ENTPD7: variants seen among roughly 807,000 people sequenced by gnomAD.
ENTPD7 encodes the protein ectonucleoside triphosphate diphosphohydrolase 7, also known as NTPDase 7.
In ENTPD7, 53 loss-of-function variants were observed where a neutral mutation model predicts 77.9. The ratio of observed to expected loss-of-function variants is 0.68; its 90% CI spans 0.55 to 0.85. ENTPD7 has a LOEUF of 0.85. ENTPD7 is among the 40% of genes least tolerant of loss of function. The pLI is 0.00. For synonymous variants in ENTPD7, 248 were observed against 274.9 expected, an observed-to-expected ratio of 0.90 and a Z score of 0.97; for missense variants, 636 against 743.7, an observed-to-expected ratio of 0.86 and a Z score of 1.68.
chr10:99,676,550 A>C (rs2035684202), intron 3 of ENTPD7, among the ~76,000 whole-genome samples: 1 of 152,182 alleles, frequency 6.6e-6, no homozygotes, highest in Admixed American at 6.5e-5. Flanking sequence ...CTATGATTGG[A>C]AATGAAAAGT....
intron 2 of ENTPD7, chr10:99,660,166 A>G: frequency 1.8e-6 from 1 of 541,834 alleles, no homozygotes; most frequent in Non-Finnish European, 2.4e-6. Flanking sequence ...ATAGACCAGG[A>G]GTGGTAGAGT....
intron 8 of ENTPD7, among the ~76,000 whole-genome samples, chr10:99,695,084 G>T (rs1564633974): frequency 6.6e-6 from 1 of 152,172 alleles, no homozygotes; most frequent in Non-Finnish European, 1.5e-5. Flanking sequence ...AATGTGGAAT[G>T]AGCTGAGGAA....
chr10:99,689,219 C>T (rs745328868), intron 7 of ENTPD7, among the ~76,000 whole-genome samples: 1 of 152,096 alleles, frequency 6.6e-6, no homozygotes, highest in Non-Finnish European at 1.5e-5. Context: ...TCATACAATA[C>T]GTATCTAATA....
intron 3 of ENTPD7, among the ~76,000 whole-genome samples, chr10:99,667,330 G>T (rs186555271): frequency 1.3e-5 from 2 of 152,330 alleles, no homozygotes; most frequent in Admixed American, 1.3e-4. Context: ...ATGACTCTAT[G>T]ATAGCACTGG....
rs989370396 is a variant in ENTPD7 at position 99,679,557 on chromosome 10, T to C, written c.397+91T>C. 69 of 1,466,158 alleles carry C rather than the reference T, an allele frequency of 4.7e-5. 1 individual carries two copies. In the African/African-American group the frequency reaches 7.6e-4, roughly 16 times the overall value. The allele number at this position is 1,466,158 out of a possible 1,614,324, so 90.8% of individuals were successfully genotyped here. On this transcript the variant is annotated intron_variant, in intron 4 of 12. Transcript: ENST00000370489. ...AGAAAGCAAGCTACCCCTTTCTTCT[T>C]GAGAGTCTGGGTAATGGGAGGGATA...
chr10:99,669,745 T>TTG (rs2035595474), intron 3 of ENTPD7, among the ~76,000 whole-genome samples: 2 of 121,628 alleles, frequency 1.6e-5, no homozygotes, highest in Non-Finnish European at 3.5e-5. Context: ...GTGTGGTTTT[T>TTG]TTTTTTTTTT....
chr10:99,688,643 C>T (rs1590048091), intron 6 of ENTPD7, 51 bp from the exon 7 acceptor site: 1 of 1,577,828 alleles, frequency 6.3e-7, no homozygotes, highest in Non-Finnish European at 8.7e-7. Context: ...GAGGTGTATA[C>T]ATGGCATAGC....
intron 3 of ENTPD7, among the ~76,000 whole-genome samples, chr10:99,661,997 T>C (rs1484987481): frequency 6.6e-6 from 1 of 152,210 alleles, no homozygotes; most frequent in Non-Finnish European, 1.5e-5. Context: ...ATATAGCTAC[T>C]CCAACTTTCT....
chr10:99,660,845 C>T (rs1393809196), intron 2 of ENTPD7, among the ~76,000 whole-genome samples: 1 of 151,918 alleles, frequency 6.6e-6, no homozygotes, highest in Non-Finnish European at 1.5e-5. Context: ...TCGCTTGAAC[C>T]CAGGAGGTGG....
chr10:99,703,144 A>G (rs1220022647), intron 12 of ENTPD7, among the ~76,000 whole-genome samples: 1 of 152,222 alleles, frequency 6.6e-6, no homozygotes, highest in African/African-American at 2.4e-5. Flanking sequence ...CAGAATTAGA[A>G]TAAAGGACGT....
Position 99,709,869 on chromosome 10 carries a change from T to C in ENTPD7, c.*5186T>C, listed in dbSNP as rs2036330034. 2.0e-6 allele frequency: 2 copies of C among 985,438 alleles called. No homozygotes were observed. Among genetic ancestry groups the C allele is most frequent in the Non-Finnish European group, 2.4e-6 (2 of 829,908 alleles). The allele number at this position is 985,438 out of a possible 1,614,324, so 61.0% of individuals were successfully genotyped here. A position where few individuals can be genotyped will look rare whatever the true frequency, so the allele number is the denominator to read the frequency against. ...GGACGAGGAAGGAATAACACACCAGTTGACCATTTTGTTTCTCTGAAAATC... is the reference window on the plus strand; with the variant it reads ...GGACGAGGAAGGAATAACACACCAGCTGACCATTTTGTTTCTCTGAAAATC... On this transcript the variant is annotated 3_prime_UTR_variant, in exon 13 of 13. Transcript: ENST00000370489.
At chr10:99,661,204 T>C (rs1308996598) in intron 2 of ENTPD7, among the ~76,000 whole-genome samples, 1 of 152,124 alleles carries the variant, frequency 6.6e-6, no homozygotes, top group African/African-American at 2.4e-5. Context: ...TTCACTAACA[T>C]GAGATTAAGT....
At position 99,710,416 on chromosome 10, in the gene ENTPD7, G is replaced by A. The variant is rs1055447637; in HGVS notation, c.*5733G>A. ...TCTACCTTGATCAATGGCCTCTGCG[G>A]AGTGTAGTGAAAGACATCTTTTTAT... On this transcript the variant is annotated 3_prime_UTR_variant, in exon 13 of 13. Coordinates refer to ENST00000370489, the MANE Select transcript of ENTPD7 (RefSeq NM_020354.5). 2.0e-6 allele frequency: 2 copies of A among 985,252 alleles called. No individual in the cohort carries two copies. The highest frequency in any genetic ancestry group is 2.4e-6 in the Non-Finnish European group (2 of 829,926). 61.0% of individuals were successfully genotyped at this position (985,252 alleles called of 1,614,324 possible). A position where few individuals can be genotyped will look rare whatever the true frequency, so the allele number is the denominator to read the frequency against.
At position 99,709,684 on chromosome 10, in the gene ENTPD7, T is replaced by C; in HGVS notation, c.*5001T>C. 1.0e-6 allele frequency: 1 copy of C among 985,448 alleles called. No homozygotes were observed. The allele number at this position is 985,448 out of a possible 1,614,324, so 61.0% of individuals were successfully genotyped here. A position where few individuals can be genotyped will look rare whatever the true frequency, so the allele number is the denominator to read the frequency against. ...CCCTGTTTGGGTGTCCCATCTACCCTGTTTTCTGTTTCTGCAGATGGCTTG... is the reference window on the plus strand; with the variant it reads ...CCCTGTTTGGGTGTCCCATCTACCCCGTTTTCTGTTTCTGCAGATGGCTTG... On this transcript the variant is annotated 3_prime_UTR_variant, in exon 13 of 13. Transcript: ENST00000370489.
At chr10:99,660,178 A>T in intron 2 of ENTPD7, 1 of 575,806 alleles carries the variant, frequency 1.7e-6, no homozygotes, top group Non-Finnish European at 2.2e-6. Context: ...TGGTAGAGTG[A>T]GTCGGCTTGC....
At chr10:99,700,224 T>C (rs970538980) in intron 10 of ENTPD7, among the ~76,000 whole-genome samples, 14 of 152,144 alleles carry the variant, frequency 9.2e-5, no homozygotes, top group Admixed American at 9.2e-4. Context: ...ATATTATCTT[T>C]TCCAGGTAAA....
At chr10:99,697,037 C>G (rs954974023) in intron 9 of ENTPD7, among the ~76,000 whole-genome samples, 5 of 152,202 alleles carry the variant, frequency 3.3e-5, no homozygotes, top group Admixed American at 3.3e-4. Context: ...CGAACACTAG[C>G]TTGAAGAAGT....
At chr10:99,666,450 C>A (rs2035552268) in intron 3 of ENTPD7, among the ~76,000 whole-genome samples, 1 of 152,166 alleles carries the variant, frequency 6.6e-6, no homozygotes, top group South Asian at 2.1e-4. Flanking sequence ...CTCAAGTAGT[C>A]CACCTGCCTC....
chr10:99,692,976 T>G (rs1432778313), intron 8 of ENTPD7, among the ~76,000 whole-genome samples: 1 of 151,942 alleles, frequency 6.6e-6, no homozygotes, highest in Non-Finnish European at 1.5e-5. Flanking sequence ...TGAGAAGTAA[T>G]AAAGGGCTGA....
Sources: allele counts gnomAD v4.1 joint callset (sites outside exome capture counted in the v4.1 genomes callset), GRCh38; gene constraint gnomAD v4.1.1; transcripts MANE v1.5; gene names NCBI Gene and HGNC (gene_info 2026-07-23, HGNC 2026-07-21).